TTC34: variants seen among roughly 807,000 people sequenced by gnomAD.
TTC34 encodes tetratricopeptide repeat protein 34.
Under a neutral mutation model 40.7 loss-of-function variants are expected in TTC34, and 44 were observed. That is an observed-to-expected ratio of 1.08 (90% confidence interval 0.85 to 1.39). The LOEUF (loss-of-function observed/expected upper bound fraction) is 1.39. TTC34 is among the 40% of genes most tolerant of loss of function. The pLI, the probability that TTC34 is intolerant of heterozygous loss-of-function variation, is 0.00. For synonymous variants in TTC34, 422 were observed against 398.6 expected (o/e 1.06, Z -0.70); for missense variants, 884 against 838.0 (o/e 1.05, Z -0.68).
chr1:2,691,574 C>T (rs1442195966), intron 6 of TTC34, among the ~76,000 whole-genome samples: 11 of 122,868 alleles, frequency 9.0e-5, no homozygotes, highest in Non-Finnish European at 1.3e-4. Context: ...ACTGGAACAG[C>T]ACCCACATGC....
intron 6 of TTC34, among the ~76,000 whole-genome samples, chr1:2,760,005 C>CAGGTGAGCATCGGAG (rs1641643335): frequency 1.1e-5 from 1 of 89,120 alleles, no homozygotes. Context: ...CCCACAACCA[C>CAGGTGAGCATCGGAG]AGGTGAGCAT....
At chr1:2,683,477 A>C (rs1640173671) in intron 6 of TTC34, among the ~76,000 whole-genome samples, 1 of 150,108 alleles carries the variant, frequency 6.7e-6, no homozygotes, top group Admixed American at 6.7e-5. Context: ...CCACACCACC[A>C]GGCGAGCATC....
chr1:2,655,964 A>C (rs1485090419), intron 6 of TTC34, among the ~76,000 whole-genome samples: 2 of 151,712 alleles, frequency 1.3e-5, no homozygotes, highest in African/African-American at 4.8e-5. Context: ...AACCAGGAGC[A>C]GCACCCACAC....
Position 2,692,383 on chromosome 1 carries a change from C to A in TTC34, c.2227-46820G>T, listed in dbSNP as rs1167633065. On this transcript the variant is annotated intron_variant, in intron 6 of 8. Transcript: ENST00000401095. ...CTGACAGCCTGGAGCAGCGTCCACA[C>A]CCCCAGGTGAGCATCTGGCAGCCTG... 2.6e-5 allele frequency among the ~76,000 whole-genome samples: 2 copies of A among 75,760 alleles called. 1 individual carries two copies. Among genetic ancestry groups the A allele is most frequent in the African/African-American group, 8.4e-5 (2 of 23,808 alleles). The allele number at this position is 75,760 out of a possible 152,430, so 49.7% of individuals were successfully genotyped here.
At chr1:2,674,995 C>A (rs1639845525) in intron 6 of TTC34, among the ~76,000 whole-genome samples, 2 of 136,102 alleles carry the variant, frequency 1.5e-5, no homozygotes. Flanking sequence ...GGAGCAGCAC[C>A]CACACACCCA....
At chr1:2,695,980 G>A (rs527486093) in intron 6 of TTC34, among the ~76,000 whole-genome samples, 1 of 122,574 alleles carries the variant, frequency 8.2e-6, no homozygotes, top group African/African-American at 3.0e-5. Flanking sequence ...CTGATAGCCT[G>A]GAACAGAACC....
intron 6 of TTC34, among the ~76,000 whole-genome samples, chr1:2,747,731 T>C (rs1641199412): frequency 8.7e-6 from 1 of 114,858 alleles, no homozygotes; most frequent in African/African-American, 4.1e-5. Context: ...CAGGCGAGCA[T>C]CTGACAGCAT....
intron 6 of TTC34, among the ~76,000 whole-genome samples, chr1:2,685,229 G>A (rs1158412890): frequency 2.4e-5 from 2 of 81,782 alleles, no homozygotes; most frequent in Non-Finnish European, 5.2e-5. Context: ...TCGTGGAGCA[G>A]CACCCACACC....
At chr1:2,701,539 AC>A (rs1352788836) in intron 6 of TTC34, among the ~76,000 whole-genome samples, 1 of 46,626 alleles carries the variant, frequency 2.1e-5, no homozygotes, top group African/African-American at 5.6e-5. Flanking sequence ...CTGCACCCAT[AC>A]CCCCAGGTGA....
chr1:2,785,011 G>A (rs543830085), intron 5 of TTC34, among the ~76,000 whole-genome samples: 37 of 152,314 alleles, frequency 2.4e-4, no homozygotes, highest in East Asian at 9.7e-4. Flanking sequence ...GCTCTGGGCC[G>A]CTCTGGGCTG....
At chr1:2,792,972 C>T (rs1410941070) in intron 2 of TTC34, among the ~76,000 whole-genome samples, 1 of 152,212 alleles carries the variant, frequency 6.6e-6, no homozygotes, top group African/African-American at 2.4e-5. Flanking sequence ...TCCATGCCTT[C>T]AAATAGTCAC....
chr1:2,769,619 C>G (rs1455981718), intron 6 of TTC34, among the ~76,000 whole-genome samples: 2 of 131,326 alleles, frequency 1.5e-5, no homozygotes, highest in Admixed American at 7.9e-5. Context: ...CAGCCTGGAA[C>G]AGCACCCACA....
intron 6 of TTC34, among the ~76,000 whole-genome samples, chr1:2,650,092 T>C (rs1427818295): frequency 2.4e-5 from 3 of 122,952 alleles, no homozygotes; most frequent in Admixed American, 8.1e-5. Context: ...GCACTCTGCA[T>C]CCCCAGGTGA....
intron 2 of TTC34, among the ~76,000 whole-genome samples, chr1:2,795,457 T>C (rs1014323542): frequency 6.6e-6 from 1 of 152,188 alleles, no homozygotes; most frequent in East Asian, 1.9e-4. Context: ...TCTGTCTGTG[T>C]GTTCTCTCAC....
chr1:2,645,712 C>G lies in TTC34; in HGVS notation c.2227-149G>C. 1 of 745,282 alleles carries G rather than the reference C, an allele frequency of 1.3e-6. No homozygotes were observed. The highest frequency in any genetic ancestry group is 3.3e-5 in the East Asian group (1 of 30,216). 46.2% of individuals were successfully genotyped at this position (745,282 alleles called of 1,614,324 possible). A position where few individuals can be genotyped will look rare whatever the true frequency, so the allele number is the denominator to read the frequency against. On this transcript the variant is annotated intron_variant, in intron 6 of 8. Coordinates refer to ENST00000401095, the Ensembl canonical transcript of TTC34. The surrounding 1 kb of genome is among the most constrained non-coding windows in gnomAD (Gnocchi z 4.7). ...GGTCTGAACACCCAGCTTCCTGCCC[C>G]TTCCTGCTTCTCTGTGGCTGCAGCC...
intron 6 of TTC34, among the ~76,000 whole-genome samples, chr1:2,690,862 T>C (rs374863480): frequency 0.11 from 97 of 858 alleles, no homozygotes; most frequent in Non-Finnish European, 0.14. Flanking sequence ...AACCCACACC[T>C]CCAGGTGAGC....
intron 3 of TTC34, among the ~76,000 whole-genome samples, chr1:2,788,846 C>G (rs1172153531): frequency 2.6e-5 from 4 of 152,184 alleles, no homozygotes; most frequent in Admixed American, 6.5e-5. Flanking sequence ...AATCCCAGCA[C>G]TTTGGGAGGC....
intron 6 of TTC34, among the ~76,000 whole-genome samples, chr1:2,687,629 C>T (rs1363527802): frequency 7.0e-6 from 1 of 142,546 alleles, no homozygotes; most frequent in Admixed American, 6.8e-5. Flanking sequence ...AGCTGATATC[C>T]TGGAACAGCA....
intron 6 of TTC34, among the ~76,000 whole-genome samples, chr1:2,691,467 A>G (rs1640613904): frequency 1.0e-5 from 1 of 96,468 alleles, no homozygotes; most frequent in Non-Finnish European, 2.3e-5. Context: ...CCACACCCCC[A>G]TGTGAGCATC....
Sources: gnomAD v4.1 joint callset for allele counts (sites outside exome capture counted in the v4.1 genomes callset) on GRCh38, gnomAD v4.1.1 for gene constraint, Gnocchi (gnomAD v3.1) non-coding constraint, MANE v1.5 for transcripts, NCBI Gene and HGNC (gene_info 2026-07-23, HGNC 2026-07-21) for gene names.